PDE6H: variants seen among roughly 807,000 people sequenced by gnomAD.
PDE6H encodes retinal cone rhodopsin-sensitive cGMP 3',5'-cyclic phosphodiesterase subunit gamma.
Under a neutral mutation model 9.2 loss-of-function variants are expected in PDE6H, and 11 were observed. That is an observed-to-expected ratio of 1.19 (90% CI 0.75 to 1.97). The LOEUF (loss-of-function observed/expected upper bound fraction) is 1.97, where lower values mean the gene tolerates loss of function less well. PDE6H is among the 30% of genes most tolerant of loss of function. The pLI is 0.00. For synonymous variants in PDE6H, 36 were observed against 33.6 expected, an observed-to-expected ratio of 1.07 and a Z score of -0.25; for missense variants, 98 against 101.5, an observed-to-expected ratio of 0.97 and a Z score of 0.15.
intron 3 of PDE6H, 124 bp downstream of exon 3, chr12:14,979,343 A>G: frequency 4.2e-6 from 3 of 720,060 alleles, no homozygotes; most frequent in Admixed American, 2.0e-5. Flanking sequence ...CTGTGAAGAC[A>G]TAGAAATGTG....
chr12:14,981,432 A>C lies in PDE6H; in HGVS notation c.208A>C (p.Ser70Arg), dbSNP rs1328878906. ...ITVICPWEAF[S>R]HLELHELAQF... ...AGTGATTTGTCCATGGGAGGCATTC[A>C]GCCACCTGGAATTGCATGAGCTCGC... Residue 70 changes from serine to arginine, a missense_variant, in exon 4 of 4, where the codon AGC (serine) becomes CGC (arginine). By Grantham distance (110) the Ser-to-Arg change is moderately radical. Transcript: ENST00000266395. 6.2e-7 allele frequency: 1 copy of C among 1,613,398 alleles called. No individual in the cohort carries two copies. Among genetic ancestry groups the C allele is most frequent in the East Asian group, 2.2e-5 (1 of 44,898 alleles).
intron 1 of PDE6H, among the ~76,000 whole-genome samples, chr12:14,977,455 T>C (rs1174184900): frequency 6.6e-6 from 1 of 152,222 alleles, no homozygotes; most frequent in East Asian, 1.9e-4. Flanking sequence ...TAAAAGACTA[T>C]AGATATCACT....
chr12:14,978,598 T>A (rs1864633244), intron 2 of PDE6H, among the ~76,000 whole-genome samples: 1 of 152,252 alleles, frequency 6.6e-6, no homozygotes, highest in Non-Finnish European at 1.5e-5. Flanking sequence ...TATGCTAATT[T>A]CTTTTTGAAG....
chr12:14,981,747 G>A lies in PDE6H; in HGVS notation c.*271G>A. The A allele has an allele frequency of 3.7e-6, 2 of 545,562 alleles. No homozygotes were observed. The highest frequency in any genetic ancestry group is 6.6e-6 in the Non-Finnish European group (2 of 304,640). 33.8% of individuals were successfully genotyped at this position (545,562 alleles called of 1,614,324 possible). ...ATATTTCTCTACATTTTGTTTATCT[G>A]TAAGTCCTTTAAATCTATTTTTGCT... On this transcript the variant is annotated 3_prime_UTR_variant, in exon 4 of 4. Coordinates refer to ENST00000266395, the MANE Select transcript of PDE6H (RefSeq NM_006205.3).
intron 1 of PDE6H, among the ~76,000 whole-genome samples, chr12:14,973,318 A>G (rs1274289810): frequency 1.3e-5 from 2 of 152,178 alleles, no homozygotes; most frequent in East Asian, 1.9e-4. Flanking sequence ...TCACTGCAAA[A>G]CTTGATTACT....
At chr12:14,981,004 A>G (rs1864674245) in intron 3 of PDE6H, among the ~76,000 whole-genome samples, 1 of 152,250 alleles carries the variant, frequency 6.6e-6, no homozygotes, top group Non-Finnish European at 1.5e-5. Flanking sequence ...AGGGAAGACT[A>G]TGGATACCTA....
chr12:14,980,199 T>C (rs770829801), intron 3 of PDE6H, among the ~76,000 whole-genome samples: 35 of 152,220 alleles, frequency 2.3e-4, no homozygotes, highest in Non-Finnish European at 3.8e-4. Flanking sequence ...AGTTTTGCCT[T>C]TTCCAGAATG....
chr12:14,980,662 C>T (rs752549022), intron 3 of PDE6H, among the ~76,000 whole-genome samples: 1 of 152,156 alleles, frequency 6.6e-6, no homozygotes, highest in African/African-American at 2.4e-5. Flanking sequence ...GCATACAAGA[C>T]CAGCAAATTT....
intron 3 of PDE6H, among the ~76,000 whole-genome samples, chr12:14,980,021 T>C (rs774408550): frequency 6.6e-6 from 1 of 152,208 alleles, no homozygotes. Context: ...ATCCCTTGTG[T>C]TGTAAAGTTC....
chr12:14,980,459 A>G (rs978963587), intron 3 of PDE6H, among the ~76,000 whole-genome samples: 4 of 152,222 alleles, frequency 2.6e-5, no homozygotes, highest in African/African-American at 9.6e-5. Flanking sequence ...TTGTGTGGAC[A>G]TATTTTCAAC....
intron 3 of PDE6H, among the ~76,000 whole-genome samples, chr12:14,979,642 C>G (rs1864652173): frequency 6.6e-6 from 1 of 152,190 alleles, no homozygotes; most frequent in Non-Finnish European, 1.5e-5. Flanking sequence ...GATCTCTCCA[C>G]TCTACCTGGC....
chr12:14,974,375 A>G lies in PDE6H; in HGVS notation c.-42+1289A>G, dbSNP rs537876515. On this transcript the variant is annotated intron_variant, in intron 1 of 3. Coordinates refer to ENST00000266395, the MANE Select transcript of PDE6H (RefSeq NM_006205.3). ...GCAGAGAGAATTGGAGGGTAAATCT[A>G]TGACAGAAACTGCATAGGGATTAGT... Among the ~76,000 whole-genome samples the G allele has an allele frequency of 4.6e-5, 7 of 152,354 alleles. No homozygotes were observed. The South Asian group carries it at 1.4e-3, about 32-fold the overall frequency.
Position 14,977,964 on chromosome 12 carries a change from T to C in PDE6H, c.-41-8T>C. 5 of 1,583,492 alleles carry C rather than the reference T, an allele frequency of 3.2e-6. No individual in the cohort carries two copies. In the Admixed American group the frequency reaches 5.1e-5, roughly 16 times the overall value. ...AGATCTTCTTTTTTTTATCTTTCACTGTCTAAGGAGGCTGAAAGGGAAACA... is the reference window on the plus strand; with the variant it reads ...AGATCTTCTTTTTTTTATCTTTCACCGTCTAAGGAGGCTGAAAGGGAAACA... On this transcript the variant is annotated splice_region_variant and splice_polypyrimidine_tract_variant and intron_variant, in intron 1 of 3. Coordinates refer to ENST00000266395, the MANE Select transcript of PDE6H (RefSeq NM_006205.3).
At chr12:14,977,452 C>T (rs1050713549) in intron 1 of PDE6H, among the ~76,000 whole-genome samples, 4 of 152,158 alleles carry the variant, frequency 2.6e-5, no homozygotes, top group African/African-American at 9.7e-5. Context: ...CTGTAAAAGA[C>T]TATAGATATC....
At chr12:14,974,881 T>G (rs1864569058) in intron 1 of PDE6H, among the ~76,000 whole-genome samples, 1 of 152,248 alleles carries the variant, frequency 6.6e-6, no homozygotes, top group Admixed American at 6.5e-5. Flanking sequence ...TTGCATGGCT[T>G]TCTTTTCTCT....
intron 1 of PDE6H, among the ~76,000 whole-genome samples, chr12:14,977,043 C>T (rs368541476): frequency 5.3e-5 from 8 of 152,218 alleles, no homozygotes; most frequent in African/African-American, 1.4e-4. Flanking sequence ...TGGATAGGTC[C>T]GTGGTGTGGA....
intron 1 of PDE6H, among the ~76,000 whole-genome samples, chr12:14,976,754 C>T (rs1016545855): frequency 3.9e-5 from 6 of 152,020 alleles, no homozygotes; most frequent in Non-Finnish European, 8.8e-5. Context: ...AATAAGGAAT[C>T]TTATGGAGAC....
chr12:14,977,846 T>C (rs1864618872), intron 1 of PDE6H, 126 bp from the exon 2 acceptor site: 1 of 643,968 alleles, frequency 1.6e-6, no homozygotes. Flanking sequence ...TCCCCTTTTG[T>C]GTCAACACAA....
Position 14,981,438 on chromosome 12 carries a change from C to G in PDE6H, c.214C>G (p.Leu72Val). 2 of 1,613,574 alleles carry G rather than the reference C, an allele frequency of 1.2e-6. No individual in the cohort carries two copies. Among genetic ancestry groups the G allele is most frequent in the Non-Finnish European group, 1.7e-6 (2 of 1,179,462 alleles). ...TTGTCCATGGGAGGCATTCAGCCAC[C>G]TGGAATTGCATGAGCTCGCTCAGTT... ...VICPWEAFSH[L>V]ELHELAQFGI... is the part of the protein sequence containing the mutation. The change falls in exon 4 of 4, where the codon CTG becomes GTG. Residue 72 changes from leucine to valine, a missense_variant. By Grantham distance (32) the Leu-to-Val change is conservative (BLOSUM62 1). Coordinates refer to ENST00000266395, the MANE Select transcript of PDE6H (RefSeq NM_006205.3).
Sources: gnomAD v4.1 joint callset for allele counts (sites outside exome capture counted in the v4.1 genomes callset) on GRCh38, gnomAD v4.1.1 for gene constraint, MANE v1.5 for transcripts, NCBI Gene and HGNC (gene_info 2026-07-23, HGNC 2026-07-21) for gene names.